The following MGAT4C variants were observed in gnomAD, a reference collection of about 807,000 sequenced individuals.
The protein encoded by MGAT4C is MGAT4 family member C.
MGAT4C carries 19 observed loss-of-function variants against 40.1 expected under a neutral mutation model. That is an observed-to-expected ratio of 0.47 (90% CI 0.33 to 0.70). The LOEUF is 0.70. Ranked by LOEUF, MGAT4C falls within the 30% of genes least tolerant of loss-of-function variation. The pLI is 0.02. For missense variants in MGAT4C, 491 were observed against 563.2 expected, an observed-to-expected ratio of 0.87 and a Z score of 1.30; for synonymous variants, 181 against 187.1, an observed-to-expected ratio of 0.97 and a Z score of 0.27.
At chr12:86,350,954 T>C (rs561379051) in intron 3 of MGAT4C, among the ~76,000 whole-genome samples, 1 of 151,976 alleles carries the variant, frequency 6.6e-6, no homozygotes, top group African/African-American at 2.4e-5. Context: ...TTTTTAATTT[T>C]CTTTTTTTCC....
chr12:86,479,028 T>G (rs1957888585), intron 2 of MGAT4C, among the ~76,000 whole-genome samples: 1 of 152,060 alleles, frequency 6.6e-6, no homozygotes, highest in Admixed American at 6.6e-5. Flanking sequence ...TTGTCTGAAT[T>G]AATTAGCAAA....
intron 2 of MGAT4C, among the ~76,000 whole-genome samples, chr12:86,469,290 C>T (rs1957725255): frequency 6.6e-6 from 1 of 152,016 alleles, no homozygotes; most frequent in African/African-American, 2.4e-5. Context: ...TGAGCTGTAC[C>T]TAGAGAATTG....
chr12:86,642,255 T>C (rs986208228), intron 2 of MGAT4C, among the ~76,000 whole-genome samples: 1 of 151,816 alleles, frequency 6.6e-6, no homozygotes, highest in African/African-American at 2.4e-5. Context: ...AGTTTCTCTC[T>C]CTTGCCATTT....
At chr12:86,342,015 C>G (rs1332435829) in intron 3 of MGAT4C, among the ~76,000 whole-genome samples, 1 of 152,172 alleles carries the variant, frequency 6.6e-6, no homozygotes, top group African/African-American at 2.4e-5. Context: ...TATGGCCAGA[C>G]TGCTTTTTTT....
intron 3 of MGAT4C, among the ~76,000 whole-genome samples, chr12:86,336,908 C>T (rs10776961): frequency 0.64 from 97,613 of 151,964 alleles, 32,342 homozygotes; most frequent in South Asian, 0.77. Flanking sequence ...ACTTAATATT[C>T]ACTGCCAAGG....
intron 2 of MGAT4C, among the ~76,000 whole-genome samples, chr12:86,016,901 A>G (rs1385912196): frequency 1.3e-5 from 2 of 151,980 alleles, no homozygotes; most frequent in Non-Finnish European, 2.9e-5. Context: ...CTCTCTTATC[A>G]ATTCTCTCAT....
At chr12:86,559,704 A>C (rs1959775277) in intron 2 of MGAT4C, among the ~76,000 whole-genome samples, 1 of 152,008 alleles carries the variant, frequency 6.6e-6, no homozygotes, top group Non-Finnish European at 1.5e-5. Context: ...AAAAGGATAA[A>C]TTTTAAATAA....
chr12:86,227,089 T>A (rs1050843217), intron 1 of MGAT4C, among the ~76,000 whole-genome samples: 1 of 151,936 alleles, frequency 6.6e-6, no homozygotes, highest in African/African-American at 2.4e-5. Flanking sequence ...TCTTTAAAAA[T>A]TTTTTCCAGA....
intron 1 of MGAT4C, among the ~76,000 whole-genome samples, chr12:86,065,725 G>A (rs765534800): frequency 1.3e-5 from 2 of 152,124 alleles, no homozygotes; most frequent in Non-Finnish European, 2.9e-5. Context: ...TCAGGCAAGA[G>A]AAAGAAATAA....
At chr12:86,607,407 T>G (rs1013563553) in intron 2 of MGAT4C, among the ~76,000 whole-genome samples, 3 of 152,072 alleles carry the variant, frequency 2.0e-5, no homozygotes, top group African/African-American at 7.2e-5. Context: ...ACATACAACA[T>G]AACAGAATTA....
chr12:86,724,704 T>G (rs1470918855), intron 2 of MGAT4C, among the ~76,000 whole-genome samples: 1 of 152,214 alleles, frequency 6.6e-6, no homozygotes, highest in Non-Finnish European at 1.5e-5. Flanking sequence ...TGTTATAATG[T>G]CAACATAAGT....
chr12:86,047,858 A>G (rs948219275), intron 2 of MGAT4C, among the ~76,000 whole-genome samples: 1 of 152,134 alleles, frequency 6.6e-6, no homozygotes, highest in Non-Finnish European at 1.5e-5. Flanking sequence ...GCAGGAGCAA[A>G]AAATTTAAGA....
intron 2 of MGAT4C, among the ~76,000 whole-genome samples, chr12:86,680,238 A>G (rs1293266450): frequency 6.6e-6 from 1 of 152,058 alleles, no homozygotes; most frequent in Non-Finnish European, 1.5e-5. Context: ...AAGATTGCTA[A>G]TATACTTTTA....
At chr12:86,564,539 A>G (rs538207684) in intron 2 of MGAT4C, among the ~76,000 whole-genome samples, 7 of 152,326 alleles carry the variant, frequency 4.6e-5, no homozygotes, top group Non-Finnish European at 7.4e-5. Context: ...CACTGGACTT[A>G]TTGGTGATAC....
At chr12:86,047,044 T>A (rs1011980097) in intron 2 of MGAT4C, among the ~76,000 whole-genome samples, 8 of 152,182 alleles carry the variant, frequency 5.3e-5, no homozygotes, top group Admixed American at 2.0e-4. Flanking sequence ...ATATTTTAGT[T>A]TACAATACAG....
At chr12:86,621,345 G>A (rs1170047575) in intron 2 of MGAT4C, among the ~76,000 whole-genome samples, 1 of 152,116 alleles carries the variant, frequency 6.6e-6, no homozygotes, top group Non-Finnish European at 1.5e-5. Context: ...GAAACAAAAG[G>A]CTGCACAGGA....
intron 4 of MGAT4C, 24 bp downstream of exon 4, chr12:85,983,498 TA>T: frequency 6.7e-7 from 1 of 1,498,834 alleles, no homozygotes; most frequent in East Asian, 2.4e-5. Flanking sequence ...ATGTATTCTT[TA>T]TTTAAATGTT....
intron 1 of MGAT4C, among the ~76,000 whole-genome samples, chr12:86,823,642 A>T (rs78300921): frequency 0.011 from 1,701 of 151,510 alleles, 26 homozygotes; most frequent in African/African-American, 0.038. Context: ...ATGGGCAAAA[A>T]ATAAAAAAGA....
At chr12:86,390,445 A>C (rs1027431314) in intron 3 of MGAT4C, among the ~76,000 whole-genome samples, 8 of 152,218 alleles carry the variant, frequency 5.3e-5, no homozygotes, top group African/African-American at 1.9e-4. Context: ...GAAAATATTT[A>C]TGGAAAATAA....
Sources: allele counts gnomAD v4.1 joint callset (sites outside exome capture counted in the v4.1 genomes callset), GRCh38; gene constraint gnomAD v4.1.1; transcripts MANE v1.5; gene names NCBI Gene and HGNC (gene_info 2026-07-23, HGNC 2026-07-21).